Variants in MALRD1 observed in about 807,000 individuals in gnomAD.
MALRD1 encodes MAM and LDL receptor class A domain containing 1.
MALRD1 carries 247 observed loss-of-function variants against 242.1 expected under a neutral mutation model. The ratio of observed to expected loss-of-function variants is 1.02; its 90% CI spans 0.92 to 1.13. The LOEUF (loss-of-function observed/expected upper bound fraction) is 1.13. Among genes scored for constraint, MALRD1 ranks in the 50% most tolerant of loss-of-function variants. The pLI, the probability that MALRD1 is intolerant of heterozygous loss-of-function variation, is 0.00. For missense variants in MALRD1, 2,989 were observed against 2,533.1 expected (o/e 1.18, Z -3.86); for synonymous variants, 995 against 866.6 (o/e 1.15, Z -2.60).
intron 35 of MALRD1, among the ~76,000 whole-genome samples, chr10:19,613,942 C>T (rs12268921): frequency 9.3e-4 from 141 of 152,096 alleles, no homozygotes; most frequent in African/African-American, 3.2e-3. Context: ...ACTCCCCAAA[C>T]GTGACCGAAG....
chr10:19,150,496 T>C (rs1833907397), intron 11 of MALRD1, among the ~76,000 whole-genome samples: 2 of 152,034 alleles, frequency 1.3e-5, no homozygotes, highest in Admixed American at 1.3e-4. Flanking sequence ...CCCATGTGGG[T>C]CTCCCCAAAG....
chr10:19,611,624 C>T (rs939430826), intron 35 of MALRD1, among the ~76,000 whole-genome samples: 1 of 151,948 alleles, frequency 6.6e-6, no homozygotes, highest in African/African-American at 2.4e-5. Flanking sequence ...CCATAGATTC[C>T]CAGTTCCCAT....
chr10:19,443,863 T>C (rs1033552970), intron 28 of MALRD1, among the ~76,000 whole-genome samples: 1 of 152,196 alleles, frequency 6.6e-6, no homozygotes, highest in African/African-American at 2.4e-5. Context: ...TGAGTTCAAG[T>C]CCTGGATATC....
intron 14 of MALRD1, among the ~76,000 whole-genome samples, chr10:19,196,001 AC>A (rs1836224701): frequency 6.6e-6 from 1 of 152,058 alleles, no homozygotes; most frequent in Non-Finnish European, 1.5e-5. Context: ...AATAGAAACA[AC>A]CAGAAAAGAA....
chr10:19,718,086 AG>A (rs1834486994), intron 38 of MALRD1, among the ~76,000 whole-genome samples: 2 of 118,374 alleles, frequency 1.7e-5, no homozygotes, highest in Admixed American at 1.8e-4. Context: ...AGGAATAAGT[AG>A]AAGAAGAAGA....
chr10:19,411,846 T>A (rs1434528236), intron 28 of MALRD1, among the ~76,000 whole-genome samples: 2 of 152,144 alleles, frequency 1.3e-5, no homozygotes, highest in Non-Finnish European at 2.9e-5. Flanking sequence ...AGTTCATGGA[T>A]GGAAAAAATG....
intron 34 of MALRD1, among the ~76,000 whole-genome samples, chr10:19,607,417 C>T (rs1838690582): frequency 6.6e-6 from 1 of 152,078 alleles, no homozygotes; most frequent in Admixed American, 6.6e-5. Flanking sequence ...TATGTCATTG[C>T]ATCCCTGATG....
chr10:19,238,552 GTATA>G (rs1564492997), intron 18 of MALRD1, among the ~76,000 whole-genome samples: 1 of 77,184 alleles, frequency 1.3e-5, no homozygotes, highest in Non-Finnish European at 2.4e-5. Context: ...AATATATAAT[GTATA>G]TTATATATAA....
intron 24 of MALRD1, among the ~76,000 whole-genome samples, chr10:19,341,443 T>G (rs1232560963): frequency 7.7e-6 from 1 of 129,950 alleles, no homozygotes; most frequent in African/African-American, 2.8e-5. Flanking sequence ...TATATGTATA[T>G]ATATATATGT....
chr10:19,105,832 A>G (rs1836443310), intron 5 of MALRD1, among the ~76,000 whole-genome samples: 1 of 151,996 alleles, frequency 6.6e-6, no homozygotes, highest in East Asian at 1.9e-4. Flanking sequence ...TTTCTGAGAA[A>G]TAGCTATTGA....
At chr10:19,354,268 T>A (rs1379850427) in intron 26 of MALRD1, among the ~76,000 whole-genome samples, 2 of 152,170 alleles carry the variant, frequency 1.3e-5, no homozygotes, top group African/African-American at 4.8e-5. Flanking sequence ...CCAGAGCTCT[T>A]TGAATATGAT....
At chr10:19,564,745 T>G (rs1836176942) in intron 32 of MALRD1, among the ~76,000 whole-genome samples, 1 of 152,172 alleles carries the variant, frequency 6.6e-6, no homozygotes, top group Non-Finnish European at 1.5e-5. Context: ...TAATTATTTT[T>G]CAAGGAAGTT....
intron 21 of MALRD1, among the ~76,000 whole-genome samples, chr10:19,293,490 TTTG>T (rs1385567206): frequency 6.6e-6 from 1 of 152,220 alleles, no homozygotes. Flanking sequence ...ATATCAGTAA[TTTG>T]TTGTGCGCAA....
chr10:19,047,750 T>C (rs1017520614), upstream of MALRD1, among the ~76,000 whole-genome samples: 13 of 152,058 alleles, frequency 8.5e-5, no homozygotes, highest in Non-Finnish European at 1.5e-4. Flanking sequence ...GAATCCAGAA[T>C]GTCTACACAA....
At chr10:19,115,857 C>A (rs945390150) in intron 5 of MALRD1, among the ~76,000 whole-genome samples, 1 of 152,012 alleles carries the variant, frequency 6.6e-6, no homozygotes, top group Non-Finnish European at 1.5e-5. Flanking sequence ...GCCTGGGTGA[C>A]AGGGTGAGAT....
intron 5 of MALRD1, among the ~76,000 whole-genome samples, chr10:19,114,233 G>A (rs1056865589): frequency 1.3e-5 from 2 of 152,100 alleles, no homozygotes; most frequent in African/African-American, 4.8e-5. Flanking sequence ...ATTAATCTGG[G>A]CCAAGCATTT....
At chr10:19,120,814 A>G (rs901788527) in intron 5 of MALRD1, among the ~76,000 whole-genome samples, 3 of 152,154 alleles carry the variant, frequency 2.0e-5, no homozygotes, top group African/African-American at 4.8e-5. Flanking sequence ...GCACGATCTC[A>G]GTTCACTGCA....
intron 32 of MALRD1, among the ~76,000 whole-genome samples, chr10:19,540,955 A>G (rs939891981): frequency 9.2e-5 from 14 of 152,192 alleles, no homozygotes; most frequent in Admixed American, 3.3e-4. Flanking sequence ...TGTCTTTAAA[A>G]ATAAAAATAT....
At chr10:19,504,864 A>C (rs978861550) in intron 31 of MALRD1, among the ~76,000 whole-genome samples, 1 of 150,658 alleles carries the variant, frequency 6.6e-6, no homozygotes, top group Non-Finnish European at 1.5e-5. Context: ...TTGTATTTTT[A>C]GTAGAGACGG....
Sources: allele counts gnomAD v4.1 joint callset (sites outside exome capture counted in the v4.1 genomes callset), GRCh38; gene constraint gnomAD v4.1.1; transcripts MANE v1.5; gene names NCBI Gene and HGNC (gene_info 2026-07-23, HGNC 2026-07-21).